The following DOCK8 variants were observed in gnomAD, a reference collection of about 807,000 sequenced individuals.
DOCK8 encodes dedicator of cytokinesis protein 8.
A neutral mutation model predicts 245.6 loss-of-function variants in DOCK8; 141 were observed. The ratio of observed to expected loss-of-function variants is 0.57; its 90% CI spans 0.50 to 0.66. The LOEUF (loss-of-function observed/expected upper bound fraction) is 0.66. Ranked by LOEUF, DOCK8 falls within the 30% of genes least tolerant of loss-of-function variation. The pLI, the probability that DOCK8 is intolerant of heterozygous loss-of-function variation, is 0.00. For missense variants in DOCK8, 2,965 were observed against 2,603.4 expected (o/e 1.14, Z -3.02); for synonymous variants, 1,168 against 970.2 (o/e 1.20, Z -3.79).
intron 1 of DOCK8, among the ~76,000 whole-genome samples, chr9:234,430 T>A (rs1004905874): frequency 1.8e-4 from 28 of 152,146 alleles, no homozygotes; most frequent in Non-Finnish European, 3.7e-4. Context: ...TTTTCTGAAT[T>A]TCAGTGTTGG....
intron 1 of DOCK8, chr9:268,081 C>G (rs776526988): frequency 3.3e-5 from 5 of 152,202 alleles, no homozygotes; most frequent in Non-Finnish European, 7.3e-5. Context: ...TTTTATCATT[C>G]CAGCCTATTT....
chr9:306,243 G>A (rs1396241746), intron 5 of DOCK8, among the ~76,000 whole-genome samples: 1 of 152,126 alleles, frequency 6.6e-6, no homozygotes, highest in African/African-American at 2.4e-5. Context: ...AGACAAGGTG[G>A]TCCCCCTAAA....
chr9:393,186 A>G (rs1018121107), intron 24 of DOCK8, among the ~76,000 whole-genome samples: 3 of 151,818 alleles, frequency 2.0e-5, no homozygotes, highest in African/African-American at 7.3e-5. Flanking sequence ...TTCATTCCCA[A>G]TGCGGAATTC....
chr9:311,039 A>G (rs2050085617), intron 5 of DOCK8, among the ~76,000 whole-genome samples: 1 of 152,074 alleles, frequency 6.6e-6, no homozygotes, highest in Admixed American at 6.5e-5. Flanking sequence ...TAATCCTAGC[A>G]CTTTGGGAGG....
At chr9:325,838 T>A (rs908606277) in intron 8 of DOCK8, 101 bp downstream of exon 8, 1 of 1,156,430 alleles carries the variant, frequency 8.6e-7, no homozygotes. Flanking sequence ...CCTATCAGAT[T>A]TGAAAGCAAA....
rs543445912 is a variant in DOCK8, at chr9:325,699, G to T, written c.856G>T (p.Ala286Ser). ...CGAGATTGAAATTGAGCCCCTGTTT[G>T]CCAGCATTGCCCTCTACGATGTTAA... is the stretch of plus-strand genomic sequence containing the variant. ...KFEIEIEPLF[A>S]SIALYDVKER... is the part of the protein sequence containing the mutation. Residue 286 changes from alanine (A) to serine (S), a missense_variant, in exon 8 of 48, where the codon GCC (alanine) becomes TCC (serine). Coordinates refer to ENST00000432829, the MANE Select transcript of DOCK8 (RefSeq NM_203447.4). 9.3e-6 allele frequency: 15 copies of T among 1,614,002 alleles called. No homozygotes were observed. The highest frequency in any genetic ancestry group is 4.4e-5 in the South Asian group (4 of 91,084).
chr9:279,533 C>G (rs2048491146), intron 2 of DOCK8, among the ~76,000 whole-genome samples: 1 of 152,124 alleles, frequency 6.6e-6, no homozygotes, highest in Admixed American at 6.5e-5. Context: ...CACAATTTGC[C>G]TGGTACTGAG....
At chr9:451,927 GT>G in intron 45 of DOCK8, 83 bp from the exon 46 acceptor site, 2 of 252,004 alleles carry the variant, frequency 7.9e-6, no homozygotes, top group Non-Finnish European at 6.7e-6. Flanking sequence ...ACATATATAT[GT>G]ATGTGTATAT....
intron 29 of DOCK8, among the ~76,000 whole-genome samples, chr9:415,979 C>G (rs141058824): frequency 6.6e-6 from 1 of 152,144 alleles, no homozygotes; most frequent in East Asian, 1.9e-4. Flanking sequence ...GACCAAACGC[C>G]TATAGTCTTT....
chr9:347,116 A>G (rs2130984210), intron 14 of DOCK8, among the ~76,000 whole-genome samples: 1 of 152,012 alleles, frequency 6.6e-6, no homozygotes, highest in African/African-American at 2.4e-5. Flanking sequence ...GTGGTCTGAC[A>G]CTCTCTTTTG....
At chr9:448,745 C>A (rs1564081233) in intron 44 of DOCK8, among the ~76,000 whole-genome samples, 1 of 152,174 alleles carries the variant, frequency 6.6e-6, no homozygotes, top group Non-Finnish European at 1.5e-5. Flanking sequence ...GCTTACCCTG[C>A]TGGCCTCATT....
Position 435,058 on chromosome 9 carries a change from A to G in DOCK8, c.5079+83A>G, listed in dbSNP as rs549934595. On this transcript the variant is annotated intron_variant, in intron 39 of 47. Transcript: ENST00000432829. ...CCCCCAGCCCCAGGGACATTTGGCAATGTCTAGATACATTTTTGGTTATCA... is the reference window on the plus strand; with the variant it reads ...CCCCCAGCCCCAGGGACATTTGGCAGTGTCTAGATACATTTTTGGTTATCA... 9 of 1,520,768 alleles carry G rather than the reference A, an allele frequency of 5.9e-6. No homozygotes were observed. The South Asian group carries it at 9.4e-5, about 16-fold the overall frequency. The allele number at this position is 1,520,768 out of a possible 1,614,324, so 94.2% of individuals were successfully genotyped here. A position where few individuals can be genotyped will look rare whatever the true frequency, so the allele number is the denominator to read the frequency against.
intron 4 of DOCK8, among the ~76,000 whole-genome samples, chr9:294,844 G>C (rs2049187456): frequency 6.6e-6 from 1 of 152,178 alleles, no homozygotes; most frequent in African/African-American, 2.4e-5. Flanking sequence ...ATGAATCTCA[G>C]ATACAGTATG....
intron 1 of DOCK8, among the ~76,000 whole-genome samples, chr9:222,262 C>CA (rs112869628): frequency 0.011 from 1,598 of 147,426 alleles, 31 homozygotes; most frequent in African/African-American, 0.036. Context: ...AACCCTGTCT[C>CA]AAAAAAAAAA....
At chr9:356,224 A>G (rs1027571368) in intron 14 of DOCK8, among the ~76,000 whole-genome samples, 1 of 152,168 alleles carries the variant, frequency 6.6e-6, no homozygotes, top group African/African-American at 2.4e-5. Flanking sequence ...ATCTTAAGAA[A>G]AAAATGTAGA....
intron 26 of DOCK8, 57 bp downstream of exon 26, chr9:399,316 A>G (rs2054628646): frequency 1.7e-6 from 2 of 1,191,092 alleles, no homozygotes; most frequent in African/African-American, 3.5e-5. Context: ...TTCTCATATA[A>G]TGTGATGTTC....
At chr9:430,993 C>T (rs770474702) in intron 36 of DOCK8, among the ~76,000 whole-genome samples, 104 of 152,184 alleles carry the variant, frequency 6.8e-4, no homozygotes, top group Admixed American at 1.4e-3. Flanking sequence ...CTTCAGCCTC[C>T]CATGTAGTAA....
At chr9:242,253 A>G (rs2131417451) in intron 1 of DOCK8, among the ~76,000 whole-genome samples, 1 of 152,218 alleles carries the variant, frequency 6.6e-6, no homozygotes, top group Non-Finnish European at 1.5e-5. Context: ...CCCCCCAAAA[A>G]ATGACTGCTG....
In DOCK8 at chr9:341,291, C is replaced by T. The variant is rs117489385; in HGVS notation, c.1679+970C>T. ...GGTTGGGCTGCCTTGGTTTCTGAAT[C>T]GCTTATGGTGGCACCTGACCTATTC... On this transcript the variant is annotated intron_variant, in intron 14 of 47. Coordinates refer to ENST00000432829, the MANE Select transcript of DOCK8 (RefSeq NM_203447.4). 5.0e-3 allele frequency among the ~76,000 whole-genome samples: 767 copies of T among 152,310 alleles called. 5 individuals are homozygous for T. Among genetic ancestry groups the T allele is most frequent in the East Asian group, 0.036 (187 of 5,180 alleles).
Sources: gnomAD v4.1 joint callset for allele counts (sites outside exome capture counted in the v4.1 genomes callset) on GRCh38, gnomAD v4.1.1 for gene constraint, MANE v1.5 for transcripts, NCBI Gene and HGNC (gene_info 2026-07-23, HGNC 2026-07-21) for gene names.